GOLM1: variants seen among roughly 807,000 people sequenced by gnomAD.
GOLM1 encodes the protein golgi membrane protein 1, also known as epididymis luminal protein 46.
GOLM1 carries 31 observed loss-of-function variants against 50.5 expected under a neutral mutation model. The ratio of observed to expected loss-of-function variants is 0.61; its 90% CI spans 0.46 to 0.83. The LOEUF is 0.83. Ranked by LOEUF, GOLM1 falls within the 40% of genes least tolerant of loss-of-function variation. The pLI, the probability that GOLM1 is intolerant of heterozygous loss-of-function variation, is 0.00. For missense variants in GOLM1, 491 were observed against 501.3 expected (o/e 0.98, Z 0.20); for synonymous variants, 178 against 192.8 (o/e 0.92, Z 0.64).
intron 4 of GOLM1, among the ~76,000 whole-genome samples, chr9:86,050,904 G>A (rs1317382708): frequency 2.6e-5 from 4 of 151,930 alleles, no homozygotes; most frequent in African/African-American, 9.7e-5. Context: ...GCCTTCTGCT[G>A]GCTTTTGAAT....
chr9:86,038,684 G>A (rs1833232516), intron 6 of GOLM1, among the ~76,000 whole-genome samples: 1 of 152,130 alleles, frequency 6.6e-6, no homozygotes, highest in Non-Finnish European at 1.5e-5. Context: ...ATTCAGTGGG[G>A]GAAAAGCAGT....
intron 9 of GOLM1, among the ~76,000 whole-genome samples, chr9:86,029,748 C>T (rs1281202021): frequency 6.6e-6 from 1 of 152,218 alleles, no homozygotes; most frequent in African/African-American, 2.4e-5. Context: ...GACATTTCTT[C>T]AGCTTCTTCA....
Position 86,046,470 on chromosome 9 carries a change from A to C in GOLM1, c.467T>G (p.Leu156Arg). ...GGCACGCGCTCTGAGGTGTACTCAC[A>C]GGTCGTAGGAGAACTTCCTCTCCAG... ...TNLERKFSYD[L>R]SQCINQMKEV... is the part of the protein sequence containing the mutation. Residue 156 changes from leucine to arginine, a missense_variant and splice_region_variant, in exon 5 of 10, where the codon CTG becomes CGG. Physicochemically the swap from Leu to Arg is moderately radical, Grantham distance 102 (BLOSUM62 -2). Coordinates refer to ENST00000388712, the MANE Select transcript of GOLM1 (RefSeq NM_016548.4). The C allele has an allele frequency of 6.3e-7, 1 of 1,583,440 alleles. No homozygotes were observed.
At chr9:86,075,184 T>C (rs1195299523) in intron 3 of GOLM1, among the ~76,000 whole-genome samples, 1 of 152,236 alleles carries the variant, frequency 6.6e-6, no homozygotes, top group Admixed American at 6.5e-5. Flanking sequence ...GATCTCTGAC[T>C]TCCCAGCCTC....
At chr9:86,085,453 GTTTT>G (rs11397922) in intron 1 of GOLM1, among the ~76,000 whole-genome samples, 4 of 93,182 alleles carry the variant, frequency 4.3e-5, no homozygotes, top group Non-Finnish European at 3.9e-5. Context: ...CAAAGTTTTT[GTTTT>G]TTTTTTTTTT....
chr9:86,093,719 C>CT (rs548970979), intron 1 of GOLM1, among the ~76,000 whole-genome samples: 95 of 152,216 alleles, frequency 6.2e-4, no homozygotes, highest in East Asian at 5.6e-3. Flanking sequence ...CTTCTAATTA[C>CT]TTTTTTTAAA....
intron 3 of GOLM1, among the ~76,000 whole-genome samples, chr9:86,055,909 T>TG (rs1298924735): frequency 3.3e-5 from 5 of 152,156 alleles, no homozygotes; most frequent in Admixed American, 3.3e-4. Context: ...ACACTGAAAT[T>TG]TCCACCTTGC....
At chr9:86,053,661 C>T (rs57721769) in intron 3 of GOLM1, among the ~76,000 whole-genome samples, 2 of 38,288 alleles carry the variant, frequency 5.2e-5, no homozygotes, top group African/African-American at 2.0e-4. Flanking sequence ...TGCTACACCA[C>T]TCCACACACG....
At chr9:86,075,931 A>G (rs1308568746) in intron 3 of GOLM1, among the ~76,000 whole-genome samples, 2 of 152,248 alleles carry the variant, frequency 1.3e-5, no homozygotes, top group Non-Finnish European at 2.9e-5. Flanking sequence ...GCTTGCAAAT[A>G]TAGGAAAGTA....
chr9:86,071,628 G>A (rs113279093), intron 3 of GOLM1, among the ~76,000 whole-genome samples: 3 of 151,650 alleles, frequency 2.0e-5, no homozygotes, highest in Admixed American at 1.3e-4. Context: ...AGCCGAGATC[G>A]TGCCACTGCA....
At chr9:86,073,256 T>C (rs1197540191) in intron 3 of GOLM1, among the ~76,000 whole-genome samples, 1 of 152,146 alleles carries the variant, frequency 6.6e-6, no homozygotes, top group African/African-American at 2.4e-5. Flanking sequence ...AATATGTGTA[T>C]GTTTATATAT....
At chr9:86,034,557 G>A (rs1037420779) in intron 8 of GOLM1, among the ~76,000 whole-genome samples, 48 of 152,238 alleles carry the variant, frequency 3.2e-4, no homozygotes, top group African/African-American at 1.1e-3. Context: ...CTTGCTGGGT[G>A]AGCACGGAAC....
chr9:86,062,019 CA>C (rs931398339), intron 3 of GOLM1, among the ~76,000 whole-genome samples: 3 of 151,806 alleles, frequency 2.0e-5, no homozygotes, highest in African/African-American at 7.3e-5. Flanking sequence ...TAACTTTCTA[CA>C]AAGCTTCAGA....
chr9:86,071,205 C>T (rs2118826544), intron 3 of GOLM1, among the ~76,000 whole-genome samples: 1 of 152,208 alleles, frequency 6.6e-6, no homozygotes, highest in African/African-American at 2.4e-5. Flanking sequence ...CAAGGTGATC[C>T]ACCCACCTCA....
intron 1 of GOLM1, among the ~76,000 whole-genome samples, chr9:86,085,967 A>C (rs941660932): frequency 6.6e-6 from 1 of 152,220 alleles, no homozygotes; most frequent in Non-Finnish European, 1.5e-5. Context: ...AGAATGATTT[A>C]TAATCCTTTG....
At chr9:86,066,738 A>G (rs116736241) in intron 3 of GOLM1, among the ~76,000 whole-genome samples, 497 of 152,146 alleles carry the variant, frequency 3.3e-3, no homozygotes, top group African/African-American at 0.011. Flanking sequence ...GCAAAAATGA[A>G]CACAATAGCA....
At chr9:86,053,040 ACT>A (rs1395897092) in intron 3 of GOLM1, among the ~76,000 whole-genome samples, 2 of 144,500 alleles carry the variant, frequency 1.4e-5, no homozygotes, top group Non-Finnish European at 3.0e-5. Context: ...ACGCCATATG[ACT>A]CCACACACCA....
In GOLM1 at chr9:86,026,983, C is replaced by A. The variant is rs1291175774; in HGVS notation, c.*834G>T. 1 of 985,290 alleles carries A rather than the reference C, an allele frequency of 1.0e-6. No homozygotes were observed. Among genetic ancestry groups the A allele is most frequent in the Non-Finnish European group, 1.2e-6 (1 of 829,954 alleles). 61.0% of individuals were successfully genotyped at this position (985,290 alleles called of 1,614,324 possible). On this transcript the variant is annotated 3_prime_UTR_variant, in exon 10 of 10. Coordinates refer to ENST00000388712, the MANE Select transcript of GOLM1 (RefSeq NM_016548.4). ...CCACAACAAACTTGCCCTCTCATGCCTTGCCTCTCACCATGCTCTGCTCCA... is the reference window on the plus strand; with the variant it reads ...CCACAACAAACTTGCCCTCTCATGCATTGCCTCTCACCATGCTCTGCTCCA...
intron 3 of GOLM1, among the ~76,000 whole-genome samples, chr9:86,056,083 A>G (rs1833976179): frequency 6.6e-6 from 1 of 152,064 alleles, no homozygotes; most frequent in Admixed American, 6.6e-5. Context: ...AATAATTTCT[A>G]TGAAAATTAT....
Sources: allele counts gnomAD v4.1 joint callset (sites outside exome capture counted in the v4.1 genomes callset), GRCh38; gene constraint gnomAD v4.1.1; transcripts MANE v1.5; gene names NCBI Gene and HGNC (gene_info 2026-07-23, HGNC 2026-07-21).